Variants in TENM1 observed in about 807,000 individuals in gnomAD.
TENM1 encodes the protein teneurin transmembrane protein 1, also known as teneurin-1.
In TENM1, 35 loss-of-function variants were observed where a neutral mutation model predicts 174.8. That is an observed-to-expected ratio of 0.20 (90% CI 0.15 to 0.27). The LOEUF (loss-of-function observed/expected upper bound fraction) is 0.27. Among genes scored for constraint, TENM1 ranks in the 10% least tolerant of loss-of-function variants. The pLI, the probability that TENM1 is intolerant of heterozygous loss-of-function variation, is 1.00. For missense variants in TENM1, 1,633 were observed against 2,130.1 expected, an observed-to-expected ratio of 0.77 and a Z score of 4.59; for synonymous variants, 781 against 798.7, an observed-to-expected ratio of 0.98 and a Z score of 0.37.
Position 124,561,602 on chromosome X carries a change from A to G in TENM1, c.2434+69T>C, listed in dbSNP as rs1034055375. On this transcript the variant is annotated intron_variant, in intron 14 of 31. Coordinates refer to ENST00000422452, the Ensembl canonical transcript of TENM1. ...AGATTCCTAATTTTCACCCTTGGCC[A>G]GGTTGATTACCACTGTGCTAGAGGC... 3 of 1,153,348 alleles carry G rather than the reference A, an allele frequency of 2.6e-6. No individual in the cohort carries two copies. The African/African-American group carries it at 5.4e-5, about 21-fold the overall frequency.
intron 20 of TENM1, 139 bp downstream of exon 23, chrX:124,496,877 C>T (rs2047212923): frequency 1.7e-6 from 1 of 592,520 alleles, no homozygotes; most frequent in Admixed American, 3.3e-5. Flanking sequence ...ACCTTTGTCC[C>T]TATTCCTGCA....
exon 32 of TENM1, chrX:124,379,108 C>T (rs2060130010): frequency 8.9e-6 from 1 of 112,031 alleles, no homozygotes; most frequent in African/African-American, 3.3e-5. Flanking sequence ...CTGCAGGATT[C>T]CTAGAGATTG....
the TENM1 span, among the ~76,000 whole-genome samples, chrX:125,147,683 G>A: frequency 9.0e-6 from 1 of 110,791 alleles, no homozygotes; most frequent in Non-Finnish European, 1.9e-5. Flanking sequence ...AGGTCCCTAC[G>A]CGGCTTACCT....
At chrX:124,819,330 G>A (rs902054837) in intron 3 of TENM1, among the ~76,000 whole-genome samples, 1 of 111,253 alleles carries the variant, frequency 9.0e-6, no homozygotes, top group African/African-American at 3.3e-5. Context: ...AGAAATTAGT[G>A]AGTTTCTATT....
intron 3 of TENM1, among the ~76,000 whole-genome samples, chrX:124,795,586 T>G (rs1314887294): frequency 8.9e-6 from 1 of 111,862 alleles, no homozygotes; most frequent in Non-Finnish European, 1.9e-5. Context: ...TTCCAGTTAG[T>G]GCCTACTATA....
chrX:124,755,692 A>G (rs2054214871), intron 3 of TENM1, among the ~76,000 whole-genome samples: 1 of 110,377 alleles, frequency 9.1e-6, no homozygotes, highest in Non-Finnish European at 1.9e-5. Context: ...TGGTGGTGAC[A>G]AAATCTCTCA....
rs184365207 is a variant in TENM1 at position 124,748,353 on chromosome X, T to C, written c.536-11156A>G. On this transcript the variant is annotated intron_variant, in intron 3 of 31. Coordinates refer to ENST00000422452, the Ensembl canonical transcript of TENM1. ...GCATGTCAAGGTATACAGATATATA[T>C]ATAGAGAGAGAGATTATATATATAT... 2.8e-3 allele frequency among the ~76,000 whole-genome samples: 306 copies of C among 109,801 alleles called. 5 individuals carry two copies. The highest frequency in any genetic ancestry group is 9.9e-3 in the African/African-American group (299 of 30,305).
At chrX:124,420,889 A>G in intron 24 of TENM1, 68 bp from the exon 28 acceptor site, 1 of 988,632 alleles carries the variant, frequency 1.0e-6, no homozygotes, top group Non-Finnish European at 1.4e-6. Context: ...CCACAGACAT[A>G]AAGCTCTGTG....
chrX:124,623,568 G>C (rs1004273808), intron 11 of TENM1, among the ~76,000 whole-genome samples: 2 of 111,173 alleles, frequency 1.8e-5, no homozygotes, highest in Non-Finnish European at 3.8e-5. Flanking sequence ...CCTCCCAACT[G>C]TATCTATAAT....
chrX:124,883,969 GGGGTA>G (rs2057343600), intron 3 of TENM1, among the ~76,000 whole-genome samples: 1 of 111,271 alleles, frequency 9.0e-6, no homozygotes, highest in Non-Finnish European at 1.9e-5. Context: ...GTGGTCGGCA[GGGGTA>G]GGGTGATCCC....
chrX:125,093,954 C>T, the TENM1 span, among the ~76,000 whole-genome samples: 1 of 112,026 alleles, frequency 8.9e-6, no homozygotes, highest in South Asian at 3.7e-4. Flanking sequence ...GCCAGGTCTG[C>T]ACTCATTGTG....
chrX:124,828,070 T>C (rs1423708576), intron 3 of TENM1, among the ~76,000 whole-genome samples: 2 of 111,749 alleles, frequency 1.8e-5, no homozygotes, highest in African/African-American at 6.5e-5. Flanking sequence ...TCAGGAGTCA[T>C]GGCCAATTTA....
chrX:124,993,044 G>A, the TENM1 span, among the ~76,000 whole-genome samples: 2 of 110,760 alleles, frequency 1.8e-5, no homozygotes, highest in African/African-American at 6.6e-5. Context: ...ACCAGTGTAA[G>A]CTAAGACTTG....
intron 25 of TENM1, among the ~76,000 whole-genome samples, chrX:124,417,040 A>G (rs1055446835): frequency 4.5e-5 from 5 of 111,434 alleles, no homozygotes; most frequent in Admixed American, 1.9e-4. Flanking sequence ...TGAAAAATAA[A>G]TTTGTTCTTG....
At chrX:124,703,898 AAGAG>A (rs1383412409) in intron 5 of TENM1, among the ~76,000 whole-genome samples, 2 of 112,311 alleles carry the variant, frequency 1.8e-5, no homozygotes, top group Non-Finnish European at 3.8e-5. Context: ...GAAAATATAA[AAGAG>A]AGAATCATGA....
chrX:124,823,215 C>A (rs1259312062), intron 3 of TENM1, among the ~76,000 whole-genome samples: 3 of 111,794 alleles, frequency 2.7e-5, no homozygotes, highest in Non-Finnish European at 5.6e-5. Flanking sequence ...ATATTTGGTA[C>A]TAAAGGGCAA....
At chrX:124,465,406 A>G (rs2061230128) in intron 22 of TENM1, among the ~76,000 whole-genome samples, 1 of 110,592 alleles carries the variant, frequency 9.0e-6, no homozygotes, top group Non-Finnish European at 1.9e-5. Context: ...ATAACACCAC[A>G]CCTGGCAAAT....
intron 11 of TENM1, among the ~76,000 whole-genome samples, chrX:124,611,329 C>T (rs2050272801): frequency 9.0e-6 from 1 of 111,636 alleles, no homozygotes; most frequent in African/African-American, 3.3e-5. Context: ...CGTGATGATG[C>T]CTAACTGAAA....
the TENM1 span, among the ~76,000 whole-genome samples, chrX:125,182,390 G>A: frequency 1.1e-5 from 1 of 92,103 alleles, no homozygotes. Context: ...TCTTTGTCAT[G>A]TTCACATGAC....
Sources: allele counts gnomAD v4.1 joint callset (sites outside exome capture counted in the v4.1 genomes callset), GRCh38; gene constraint gnomAD v4.1.1; transcripts MANE v1.5; gene names NCBI Gene and HGNC (gene_info 2026-07-23, HGNC 2026-07-21).